DNAAF9: variants seen among roughly 807,000 people sequenced by gnomAD.
DNAAF9 encodes the protein shulin.
Under a neutral mutation model 167.0 loss-of-function variants are expected in DNAAF9, and 90 were observed. The ratio of observed to expected loss-of-function variants is 0.54; its 90% CI spans 0.45 to 0.64. The LOEUF is 0.64. DNAAF9 is among the 30% of genes least tolerant of loss of function. The probability of loss-of-function intolerance (pLI) is 0.00; values close to 1 mark genes in which losing one functional copy is unlikely to be tolerated. For synonymous variants in DNAAF9, 491 were observed against 508.8 expected (o/e 0.96, Z 0.47); for missense variants, 1,315 against 1,442.2 (o/e 0.91, Z 1.43).
chr20:3,277,625 C>T (rs765564434), intron 29 of DNAAF9, among the ~76,000 whole-genome samples: 1 of 151,986 alleles, frequency 6.6e-6, no homozygotes, highest in Non-Finnish European at 1.5e-5. Flanking sequence ...CCAACACATG[C>T]CCCACATCTA....
rs1379341774 is a variant in DNAAF9 at position 3,359,400 on chromosome 20, T to C, written c.690+116A>G. On this transcript the variant is annotated intron_variant, in intron 7 of 36. Transcript: ENST00000252032. ...AATAATCAAGGAAGAAACTGCTCTA[T>C]TTTTTGACCGAAGCAAACTAAAATA... is the stretch of plus-strand genomic sequence containing the variant. 9.5e-6 allele frequency: 7 copies of C among 734,804 alleles called. No individual in the cohort carries two copies. In the Admixed American group the frequency reaches 1.5e-4, roughly 15 times the overall value. 45.5% of individuals were successfully genotyped at this position (734,804 alleles called of 1,614,324 possible).
chr20:3,294,577 TC>T lies in DNAAF9; in HGVS notation c.2070del (p.Lys691AsnfsTer5). ...GAGAGTAACTTTAGGGAACTCCGTT[TC>T]TCCCCAGCAGGCTGGCTCAGGGCAC... ...LFSALSQPAG[E>X]KRSSLKLLSA... On this transcript the variant is annotated frameshift_variant, in exon 24 of 37. Transcript: ENST00000252032. LOFTEE classifies it high-confidence loss of function. 6.2e-7 allele frequency: 1 copy of T among 1,613,880 alleles called. No individual in the cohort carries two copies. The highest frequency in any genetic ancestry group is 8.5e-7 in the Non-Finnish European group (1 of 1,179,788).
At chr20:3,394,707 G>T (rs1020481336) in intron 1 of DNAAF9, among the ~76,000 whole-genome samples, 11 of 152,024 alleles carry the variant, frequency 7.2e-5, no homozygotes, top group Admixed American at 2.6e-4. Context: ...CTCTGATCTG[G>T]AATGACACTT....
At chr20:3,260,270 C>T (rs1022631647) in intron 31 of DNAAF9, among the ~76,000 whole-genome samples, 1 of 151,914 alleles carries the variant, frequency 6.6e-6, no homozygotes, top group Non-Finnish European at 1.5e-5. Context: ...ACCCGGGAAG[C>T]GGAGCTTGCA....
intron 30 of DNAAF9, among the ~76,000 whole-genome samples, chr20:3,265,907 T>C (rs1207835042): frequency 2.0e-5 from 3 of 152,164 alleles, no homozygotes; most frequent in African/African-American, 7.2e-5. Context: ...CTTGAACTCC[T>C]GACCCCAGGT....
chr20:3,337,225 C>G (rs2069974773), intron 10 of DNAAF9, among the ~76,000 whole-genome samples: 1 of 150,748 alleles, frequency 6.6e-6, no homozygotes, highest in Non-Finnish European at 1.5e-5. Context: ...TTGAAACTTT[C>G]TATCATTTAC....
intron 1 of DNAAF9, among the ~76,000 whole-genome samples, chr20:3,397,327 T>TTTGTTTTC (rs2083923771): frequency 6.6e-6 from 1 of 151,938 alleles, no homozygotes. Flanking sequence ...TGTTTTGTTT[T>TTTGTTTTC]TTGTTTTTTG....
Position 3,252,455 on chromosome 20 carries a change from C to T in DNAAF9, c.*117G>A. ...TGCACTCAAGCCAGCCCACACAGGC[C>T]AAGGAGAACAAAGACAGCCCCTTAA... On this transcript the variant is annotated 3_prime_UTR_variant, in exon 37 of 37. Coordinates refer to ENST00000252032, the MANE Select transcript of DNAAF9 (RefSeq NM_001009984.3). The T allele has an allele frequency of 1.5e-6, 1 of 687,468 alleles. No individual in the cohort carries two copies. Among genetic ancestry groups the T allele is most frequent in the South Asian group, 1.7e-5 (1 of 59,336 alleles). The allele number at this position is 687,468 out of a possible 1,614,324, so 42.6% of individuals were successfully genotyped here.
At chr20:3,382,999 T>C (rs1478856607) in intron 1 of DNAAF9, among the ~76,000 whole-genome samples, 3 of 152,170 alleles carry the variant, frequency 2.0e-5, no homozygotes, top group Non-Finnish European at 1.5e-5. Context: ...CAGCTATCCA[T>C]ATAGGGAGTG....
intron 6 of DNAAF9, among the ~76,000 whole-genome samples, 184 bp from the exon 7 acceptor site, chr20:3,359,777 C>T (rs2083335803): frequency 6.6e-6 from 1 of 152,128 alleles, no homozygotes; most frequent in South Asian, 2.1e-4. Context: ...TACAAGGAAA[C>T]TATTTTTTCA....
intron 29 of DNAAF9, 95 bp downstream of exon 29, chr20:3,278,817 T>G (rs2068716657): frequency 2.1e-6 from 2 of 957,970 alleles, no homozygotes; most frequent in Non-Finnish European, 3.4e-6. Flanking sequence ...TGCTTTAGAT[T>G]TCAGAATGGT....
At chr20:3,364,398 A>T (rs972818698) in intron 6 of DNAAF9, among the ~76,000 whole-genome samples, 1 of 152,130 alleles carries the variant, frequency 6.6e-6, no homozygotes, top group African/African-American at 2.4e-5. Flanking sequence ...ACTTGAAAAC[A>T]GTTTGATCCT....
intron 9 of DNAAF9, among the ~76,000 whole-genome samples, chr20:3,340,986 T>C (rs1023674626): frequency 6.6e-6 from 1 of 152,074 alleles, no homozygotes; most frequent in South Asian, 2.1e-4. Flanking sequence ...TTAATAGAAA[T>C]ATGAGTCTTA....
intron 1 of DNAAF9, among the ~76,000 whole-genome samples, chr20:3,390,371 CTTTT>C (rs34917762): frequency 7.1e-6 from 1 of 141,148 alleles, no homozygotes. Flanking sequence ...TATTCTCTCA[CTTTT>C]TTTTTTTTTT....
At chr20:3,314,930 T>G in intron 20 of DNAAF9, 103 bp downstream of exon 20, 1 of 713,880 alleles carries the variant, frequency 1.4e-6, no homozygotes, top group South Asian at 1.7e-5. Context: ...GTACCACAAT[T>G]GTGTTCAAAT....
intron 24 of DNAAF9, 33 bp from the exon 25 acceptor site, chr20:3,294,289 C>G: frequency 7.1e-7 from 1 of 1,410,320 alleles, no homozygotes. Context: ...ATTATGTTAC[C>G]ATCCTAGCCT....
At chr20:3,300,101 C>T (rs143358544) in intron 21 of DNAAF9, among the ~76,000 whole-genome samples, 16 of 152,240 alleles carry the variant, frequency 1.1e-4, no homozygotes, top group African/African-American at 2.9e-4. Flanking sequence ...CAGGGTTTCA[C>T]CATGCTGGCC....
At chr20:3,292,593 C>G (rs2068980427) in intron 25 of DNAAF9, among the ~76,000 whole-genome samples, 1 of 151,398 alleles carries the variant, frequency 6.6e-6, no homozygotes, top group Non-Finnish European at 1.5e-5. Flanking sequence ...TGGTGAAACT[C>G]TGCCTTTACT....
chr20:3,340,433 T>TCCCACC lies in DNAAF9; in HGVS notation c.981+70_981+71insGGTGGG. 1.8e-5 allele frequency: 4 copies of TCCCACC among 221,214 alleles called. 1 individual carries two copies. Among genetic ancestry groups the TCCCACC allele is most frequent in the Non-Finnish European group, 1.9e-5 (2 of 104,808 alleles). 13.7% of individuals were successfully genotyped at this position (221,214 alleles called of 1,614,324 possible). A position where few individuals can be genotyped will look rare whatever the true frequency, so the allele number is the denominator to read the frequency against. On this transcript the variant is annotated intron_variant, in intron 10 of 36. Transcript: ENST00000252032. ...CTGGAAAAGGTTCTTTTTGTCTAGC[T>TCCCACC]CCCCCCACCCACCCCACCCCCACAA...
Sources: allele counts gnomAD v4.1 joint callset (sites outside exome capture counted in the v4.1 genomes callset), GRCh38; gene constraint gnomAD v4.1.1; transcripts MANE v1.5; gene names NCBI Gene and HGNC (gene_info 2026-07-23, HGNC 2026-07-21).